Variants in ANKRD17 observed in about 807,000 individuals in gnomAD.
The protein encoded by ANKRD17 is ankyrin repeat domain 17.
In ANKRD17, 19 loss-of-function variants were observed where a neutral mutation model predicts 229.7. The observed-to-expected ratio is 0.08, with a 90% CI of 0.06 to 0.12. ANKRD17 has a LOEUF of 0.12. Ranked by LOEUF, ANKRD17 falls within the 10% of genes least tolerant of loss-of-function variation. The pLI is 1.00. For synonymous variants in ANKRD17, 1,112 were observed against 1,146.1 expected (o/e 0.97, Z 0.60); for missense variants, 2,176 against 3,176.8 (o/e 0.68, Z 7.57).
chr4:73,242,006 C>T (rs72663023), intron 1 of ANKRD17, among the ~76,000 whole-genome samples: 359 of 152,068 alleles, frequency 2.4e-3, no homozygotes, highest in Admixed American at 4.1e-3. Context: ...AAGTGATGTA[C>T]CCTAAATTGA....
intron 1 of ANKRD17, among the ~76,000 whole-genome samples, chr4:73,198,341 G>C (rs898341772): frequency 6.6e-6 from 1 of 151,976 alleles, no homozygotes; most frequent in African/African-American, 2.4e-5. Flanking sequence ...GTTTCTCAAC[G>C]AAAATGAAAA....
chr4:73,210,000 G>A (rs746418331), intron 1 of ANKRD17, among the ~76,000 whole-genome samples: 1 of 152,104 alleles, frequency 6.6e-6, no homozygotes, highest in Non-Finnish European at 1.5e-5. Flanking sequence ...AATGGTGAAA[G>A]ACTGAATACT....
chr4:73,088,470 T>C (rs1432099559), intron 29 of ANKRD17, among the ~76,000 whole-genome samples: 2 of 152,162 alleles, frequency 1.3e-5, no homozygotes, highest in East Asian at 3.8e-4. Flanking sequence ...AAAATAGGAA[T>C]TTATTTTTTT....
chr4:73,134,821 G>T (rs1457081299), intron 16 of ANKRD17, among the ~76,000 whole-genome samples: 1 of 151,226 alleles, frequency 6.6e-6, no homozygotes, highest in Non-Finnish European at 1.5e-5. Context: ...TTTATTATTA[G>T]AAGAAGTTAT....
chr4:73,165,027 G>A (rs1480181784), intron 2 of ANKRD17, among the ~76,000 whole-genome samples: 1 of 151,676 alleles, frequency 6.6e-6, no homozygotes, highest in Non-Finnish European at 1.5e-5. Context: ...TTACTCAGAG[G>A]GCTAAAATGC....
At chr4:73,201,864 CAT>C (rs1738718031) in intron 1 of ANKRD17, among the ~76,000 whole-genome samples, 1 of 152,092 alleles carries the variant, frequency 6.6e-6, no homozygotes, top group Non-Finnish European at 1.5e-5. Context: ...TACTGTGAAA[CAT>C]AAACATATTA....
chr4:73,180,394 T>C (rs1229321762), intron 1 of ANKRD17, among the ~76,000 whole-genome samples: 1 of 152,154 alleles, frequency 6.6e-6, no homozygotes, highest in Admixed American at 6.5e-5. Context: ...CAAATTTCAA[T>C]CAGAAGCGAC....
chr4:73,122,263 T>C (rs1413762946), intron 18 of ANKRD17, among the ~76,000 whole-genome samples: 2 of 152,176 alleles, frequency 1.3e-5, no homozygotes, highest in African/African-American at 4.8e-5. Flanking sequence ...AGGTCCCACC[T>C]ACTGGCAGAA....
At chr4:73,119,671 A>T (rs1477629902) in intron 21 of ANKRD17, among the ~76,000 whole-genome samples, 1 of 152,240 alleles carries the variant, frequency 6.6e-6, no homozygotes, top group Non-Finnish European at 1.5e-5. Flanking sequence ...CACGAAAACA[A>T]GTTAAACAGA....
At chr4:73,210,928 C>T (rs1297822449) in intron 1 of ANKRD17, among the ~76,000 whole-genome samples, 1 of 151,996 alleles carries the variant, frequency 6.6e-6, no homozygotes, top group Non-Finnish European at 1.5e-5. Flanking sequence ...ATATTACATA[C>T]ATTTTTCTGT....
At chr4:73,177,188 T>G (rs1734845641) in intron 2 of ANKRD17, among the ~76,000 whole-genome samples, 192 bp downstream of exon 2, 1 of 152,244 alleles carries the variant, frequency 6.6e-6, no homozygotes, top group Non-Finnish European at 1.5e-5. Context: ...ACATGGACTT[T>G]ACTCTGGTAA....
Position 73,091,994 on chromosome 4 carries a change from T to A in ANKRD17, c.5634A>T (p.Pro1878=). ...GAGGATATGCTAATGGAAGAGAAACTGGAAAACCAGGCCTCACATTATTCA... is the reference window on the plus strand; with the variant it reads ...GAGGATATGCTAATGGAAGAGAAACAGGAAAACCAGGCCTCACATTATTCA... ...NPVNNVRPGF[P]VSLPLAYPPP... is the part of the protein sequence containing the mutation. The change falls in exon 29 of 34, where the codon CCA becomes CCT. Residue 1878 remains proline (P), a synonymous_variant. Transcript: ENST00000358602. 1 of 1,614,188 alleles carries A rather than the reference T, an allele frequency of 6.2e-7. No homozygotes were observed. The highest frequency in any genetic ancestry group is 1.3e-5 in the African/African-American group (1 of 75,048).
intron 29 of ANKRD17, among the ~76,000 whole-genome samples, chr4:73,088,166 C>T (rs953305803): frequency 1.3e-5 from 2 of 151,770 alleles, no homozygotes; most frequent in African/African-American, 4.8e-5. Flanking sequence ...GTCTAAAATA[C>T]AAATAATCAA....
intron 27 of ANKRD17, 33 bp from the exon 28 acceptor site, chr4:73,094,261 A>C: frequency 6.4e-7 from 1 of 1,562,910 alleles, no homozygotes; most frequent in South Asian, 1.1e-5. Context: ...AATTAAGATT[A>C]GTCATTAACA....
intron 1 of ANKRD17, among the ~76,000 whole-genome samples, chr4:73,198,234 T>C (rs747265945): frequency 3.3e-5 from 5 of 152,218 alleles, no homozygotes; most frequent in Non-Finnish European, 7.3e-5. Flanking sequence ...TCACTGACTT[T>C]GACCCATTAC....
At chr4:73,256,229 C>T (rs149980183) in intron 1 of ANKRD17, among the ~76,000 whole-genome samples, 5 of 152,304 alleles carry the variant, frequency 3.3e-5, no homozygotes, top group Middle Eastern at 3.4e-3. Context: ...TACAAACTTA[C>T]AGCCATTCTT....
At chr4:73,192,150 C>T (rs1247413388) in intron 1 of ANKRD17, among the ~76,000 whole-genome samples, 1 of 151,948 alleles carries the variant, frequency 6.6e-6, no homozygotes, top group African/African-American at 2.4e-5. Flanking sequence ...GTGACATTTC[C>T]CCCCAATTTA....
chr4:73,195,899 A>T (rs751002308), intron 1 of ANKRD17, among the ~76,000 whole-genome samples: 3 of 151,852 alleles, frequency 2.0e-5, no homozygotes, highest in Non-Finnish European at 4.4e-5. Context: ...GGGAGGCAAC[A>T]TTACATTTTT....
intron 1 of ANKRD17, among the ~76,000 whole-genome samples, chr4:73,219,671 T>A (rs190564132): frequency 6.6e-6 from 1 of 152,146 alleles, no homozygotes; most frequent in Non-Finnish European, 1.5e-5. Flanking sequence ...GACAGAACCA[T>A]AGAGAGTTGG....
Sources: gnomAD v4.1 joint callset for allele counts (sites outside exome capture counted in the v4.1 genomes callset) on GRCh38, gnomAD v4.1.1 for gene constraint, MANE v1.5 for transcripts, NCBI Gene and HGNC (gene_info 2026-07-23, HGNC 2026-07-21) for gene names.